The following NTM variants were observed in gnomAD, a reference collection of about 807,000 sequenced individuals.
The protein encoded by NTM is neurotrimin.
A neutral mutation model predicts 42.1 loss-of-function variants in NTM; 13 were observed. The observed-to-expected ratio is 0.31, with a 90% CI of 0.20 to 0.49. The LOEUF is 0.49. NTM is among the 20% of genes least tolerant of loss of function. The probability of loss-of-function intolerance (pLI) is 0.99; values close to 1 mark genes in which losing one functional copy is unlikely to be tolerated. For synonymous variants in NTM, 187 were observed against 179.2 expected (o/e 1.04, Z -0.35); for missense variants, 373 against 452.8 (o/e 0.82, Z 1.60).
intron 1 of NTM, among the ~76,000 whole-genome samples, chr11:131,705,569 T>C (rs2076512157): frequency 6.6e-6 from 1 of 152,144 alleles, no homozygotes; most frequent in Admixed American, 6.5e-5. Context: ...AATGCTGTAA[T>C]GATGGTGTAT....
chr11:131,964,663 C>A (rs1399305802), intron 2 of NTM, among the ~76,000 whole-genome samples: 1 of 152,174 alleles, frequency 6.6e-6, no homozygotes, highest in Non-Finnish European at 1.5e-5. Context: ...TGTTAGGCAT[C>A]ATTGTCCCTG....
intron 4 of NTM, among the ~76,000 whole-genome samples, chr11:132,265,035 T>C (rs1454683686): frequency 6.6e-6 from 1 of 152,212 alleles, no homozygotes; most frequent in Non-Finnish European, 1.5e-5. Context: ...CACATGGAAT[T>C]TGAAGGACAC....
intron 1 of NTM, among the ~76,000 whole-genome samples, chr11:131,779,764 A>G (rs1351648939): frequency 6.6e-6 from 1 of 152,162 alleles, no homozygotes; most frequent in African/African-American, 2.4e-5. Flanking sequence ...GGAATAGAAG[A>G]GCAATCTGAA....
chr11:131,686,485 C>T (rs889347387), intron 1 of NTM, among the ~76,000 whole-genome samples: 7 of 152,166 alleles, frequency 4.6e-5, no homozygotes, highest in African/African-American at 1.7e-4. Flanking sequence ...GGTCTTCATC[C>T]TCGCCATGTT....
At chr11:131,791,431 C>T (rs2136146808) in intron 1 of NTM, among the ~76,000 whole-genome samples, 1 of 152,268 alleles carries the variant, frequency 6.6e-6, no homozygotes, top group South Asian at 2.1e-4. Context: ...ATACATACAT[C>T]AATATATGCA....
intron 2 of NTM, among the ~76,000 whole-genome samples, chr11:131,993,942 G>A (rs2067484272): frequency 6.6e-6 from 1 of 150,888 alleles, no homozygotes; most frequent in Non-Finnish European, 1.5e-5. Flanking sequence ...GGCAGAGGTT[G>A]CAGTGAGCTG....
chr11:132,137,448 C>T (rs1442501101), intron 2 of NTM, among the ~76,000 whole-genome samples: 1 of 152,206 alleles, frequency 6.6e-6, no homozygotes, highest in African/African-American at 2.4e-5. Context: ...ATTTTGGTTC[C>T]CTGCCTGCTC....
At chr11:131,778,019 G>C (rs991491232) in intron 1 of NTM, among the ~76,000 whole-genome samples, 8 of 152,312 alleles carry the variant, frequency 5.3e-5, no homozygotes, top group Non-Finnish European at 7.3e-5. Context: ...ATCCAGAAGT[G>C]AGCAAGTGTT....
At position 131,491,904 on chromosome 11, in the gene NTM, A is replaced by G. The variant is rs145953564; in HGVS notation, c.82+121016A>G. ...CTGCTTATAATCCGACAATAATAAC[A>G]TAACTCATTTTCCTGATTATTTTGT... On this transcript the variant is annotated intron_variant, in intron 1 of 8. Transcript: ENST00000683400. Among the ~76,000 whole-genome samples, 126 of 152,338 alleles carry G rather than the reference A, an allele frequency of 8.3e-4. 1 individual carries two copies. The highest frequency in any genetic ancestry group is 2.8e-3 in the African/African-American group (116 of 41,576).
intron 4 of NTM, among the ~76,000 whole-genome samples, chr11:132,300,772 C>T (rs1020934404): frequency 2.8e-4 from 43 of 152,190 alleles, no homozygotes; most frequent in South Asian, 2.5e-3. Context: ...TGGGACCCTC[C>T]GTTTACCTCA....
At chr11:132,202,511 GTCCACA>G (rs747932390) in intron 3 of NTM, among the ~76,000 whole-genome samples, 65 of 152,186 alleles carry the variant, frequency 4.3e-4, no homozygotes, top group Non-Finnish European at 7.6e-4. Flanking sequence ...TGGATGGCAG[GTCCACA>G]TCATGATCAC....
At chr11:131,439,161 G>C (rs748302937) in intron 1 of NTM, among the ~76,000 whole-genome samples, 1 of 152,152 alleles carries the variant, frequency 6.6e-6, no homozygotes, top group Non-Finnish European at 1.5e-5. Flanking sequence ...ATTGCTTCCT[G>C]ATCCTTCCTC....
intron 1 of NTM, among the ~76,000 whole-genome samples, chr11:131,529,570 T>C (rs1436383321): frequency 2.0e-5 from 3 of 152,080 alleles, no homozygotes; most frequent in African/African-American, 4.8e-5. Context: ...AAATGTGGGT[T>C]TCTACAGCAT....
intron 1 of NTM, among the ~76,000 whole-genome samples, chr11:131,710,300 A>G (rs1386218781): frequency 6.6e-6 from 1 of 152,192 alleles, no homozygotes; most frequent in Non-Finnish European, 1.5e-5. Context: ...ACTTAATGAC[A>G]TGGAAAAATA....
At chr11:131,642,767 T>A (rs886611930) in intron 1 of NTM, among the ~76,000 whole-genome samples, 2 of 152,128 alleles carry the variant, frequency 1.3e-5, no homozygotes, top group African/African-American at 4.8e-5. Context: ...CAATTTAAAT[T>A]TCACCCACTA....
At chr11:131,973,284 C>G (rs572140491) in intron 2 of NTM, among the ~76,000 whole-genome samples, 11 of 152,328 alleles carry the variant, frequency 7.2e-5, no homozygotes, top group Non-Finnish European at 1.3e-4. Context: ...GCACAAGATT[C>G]TGCAGCGGTA....
At chr11:131,467,691 T>A (rs1340274361) in intron 1 of NTM, among the ~76,000 whole-genome samples, 5 of 152,198 alleles carry the variant, frequency 3.3e-5, no homozygotes, top group Admixed American at 1.3e-4. Context: ...TTATGATTTT[T>A]AAAAAAATAA....
At chr11:131,988,023 G>C (rs144569113) in intron 2 of NTM, among the ~76,000 whole-genome samples, 1 of 152,210 alleles carries the variant, frequency 6.6e-6, no homozygotes, top group East Asian at 1.9e-4. Context: ...ATTCCTCACA[G>C]TCTGGAGGCT....
intron 4 of NTM, among the ~76,000 whole-genome samples, chr11:132,299,121 C>CCGTCT (rs932062670): frequency 1.3e-5 from 2 of 149,616 alleles, no homozygotes; most frequent in Non-Finnish European, 3.0e-5. Context: ...CAATGAAACC[C>CCGTCT]CGTCTCTACT....
Sources: gnomAD v4.1 joint callset for allele counts (sites outside exome capture counted in the v4.1 genomes callset) on GRCh38, gnomAD v4.1.1 for gene constraint, MANE v1.5 for transcripts, NCBI Gene and HGNC (gene_info 2026-07-23, HGNC 2026-07-21) for gene names.